Variants in HYDIN observed in about 807,000 individuals in gnomAD.
The protein encoded by HYDIN is axonemal central pair apparatus protein HYDIN.
A neutral mutation model predicts 403.9 loss-of-function variants in HYDIN; 132 were observed. That is an observed-to-expected ratio of 0.33 (90% CI 0.28 to 0.38). The LOEUF (loss-of-function observed/expected upper bound fraction) is 0.38. Among genes scored for constraint, HYDIN ranks in the 10% least tolerant of loss-of-function variants. The pLI is 1.00. For missense variants in HYDIN, 2,827 were observed against 5,009.5 expected, an observed-to-expected ratio of 0.56 and a Z score of 13.15; for synonymous variants, 1,202 against 1,891.7, an observed-to-expected ratio of 0.64 and a Z score of 9.46.
intron 29 of HYDIN, among the ~76,000 whole-genome samples, chr16:70,980,323 T>A (rs1301159829): frequency 6.7e-6 from 1 of 149,928 alleles, no homozygotes; most frequent in Non-Finnish European, 1.5e-5. Flanking sequence ...GGTAACAAAG[T>A]AAGATCCTAT....
chr16:71,094,340 A>T (rs2083207150), intron 10 of HYDIN, among the ~76,000 whole-genome samples: 1 of 152,222 alleles, frequency 6.6e-6, no homozygotes, highest in South Asian at 2.1e-4. Context: ...ACACAGGTAG[A>T]CTAACAACAG....
In HYDIN at chr16:70,924,879, T is replaced by G. The variant is rs571976552; in HGVS notation, c.7159-3662A>C. ...TGGGCCTAACATCTAGGTGATGGGATGATCTGTGCAGCAAACCATGGCGGC... is the reference window on the plus strand; with the variant it reads ...TGGGCCTAACATCTAGGTGATGGGAGGATCTGTGCAGCAAACCATGGCGGC... On this transcript the variant is annotated intron_variant, in intron 45 of 85. Transcript: ENST00000393567. Among the ~76,000 whole-genome samples, 92 of 124,746 alleles carry G rather than the reference T, an allele frequency of 7.4e-4. 1 individual carries two copies. Among genetic ancestry groups the G allele is most frequent in the African/African-American group, 2.8e-3 (91 of 32,410 alleles). 81.8% of individuals were successfully genotyped at this position (124,746 alleles called of 152,430 possible). A position where few individuals can be genotyped will look rare whatever the true frequency, so the allele number is the denominator to read the frequency against.
intron 21 of HYDIN, 59 bp from the exon 22 acceptor site, chr16:71,020,376 G>C: frequency 1.3e-6 from 2 of 1,563,624 alleles, no homozygotes; most frequent in Non-Finnish European, 1.7e-6. Context: ...TAAGCTTTTA[G>C]CAACAAGTCT....
intron 2 of HYDIN, 128 bp from the exon 3 acceptor site, chr16:71,185,118 C>T (rs3785346): frequency 0.34 from 159,012 of 471,164 alleles, 28,837 homozygotes; most frequent in East Asian, 0.54. Context: ...CCACTAAGTT[C>T]CCTTATAAAA....
chr16:71,059,236 A>C (rs866041543), intron 18 of HYDIN, among the ~76,000 whole-genome samples: 121 of 152,190 alleles, frequency 8.0e-4, no homozygotes, highest in African/African-American at 2.0e-3. Context: ...CATGTGCAGA[A>C]TGGTATTTTC....
At chr16:70,872,897 TATCATCTACCTACCCACTCACCC>T (rs2040226627) in intron 64 of HYDIN, among the ~76,000 whole-genome samples, 1 of 145,548 alleles carries the variant, frequency 6.9e-6, no homozygotes, top group Non-Finnish European at 1.5e-5. Context: ...TTAATTCATC[TATCATCTACCTACCCACTCACCC>T]ATCATCCACC....
Position 70,863,191 on chromosome 16 carries a change from C to G in HYDIN, c.11472-9G>C, listed in dbSNP as rs372749452. ...AATTAATCACATCGAACCTGCAAAT[C>G]GATCAGGGAGCAGATTTGAGAAATG... is the stretch of plus-strand genomic sequence containing the variant. On this transcript the variant is annotated splice_polypyrimidine_tract_variant and intron_variant, in intron 67 of 85. Transcript: ENST00000393567. The G allele has an allele frequency of 3.7e-6, 6 of 1,611,416 alleles. No homozygotes were observed. Among genetic ancestry groups the G allele is most frequent in the African/African-American group, 1.3e-5 (1 of 74,846 alleles).
intron 58 of HYDIN, among the ~76,000 whole-genome samples, chr16:70,888,512 T>C (rs1264006357): frequency 2.0e-5 from 3 of 151,914 alleles, no homozygotes; most frequent in Non-Finnish European, 4.4e-5. Flanking sequence ...CTGGTGGGGA[T>C]TGGTGAGTGC....
intron 66 of HYDIN, 35 bp downstream of exon 66, chr16:70,868,535 G>A (rs757312840): frequency 8.8e-6 from 14 of 1,588,996 alleles, no homozygotes; most frequent in Non-Finnish European, 1.2e-5. Flanking sequence ...AAGCATGGAG[G>A]CCTGGTCAGA....
At chr16:71,221,750 T>A (rs1445938473) in intron 1 of HYDIN, among the ~76,000 whole-genome samples, 1 of 152,208 alleles carries the variant, frequency 6.6e-6, no homozygotes, top group East Asian at 1.9e-4. Context: ...AGCATATACT[T>A]TAAGACATTA....
At chr16:71,061,898 G>GTC (rs1313279261) in intron 17 of HYDIN, among the ~76,000 whole-genome samples, 2 of 148,222 alleles carry the variant, frequency 1.3e-5, no homozygotes, top group African/African-American at 2.5e-5. Context: ...GTGTGTGTCA[G>GTC]AGAGAGAGAG....
chr16:70,913,044 A>G (rs572996810), intron 47 of HYDIN, among the ~76,000 whole-genome samples: 1 of 151,650 alleles, frequency 6.6e-6, no homozygotes, highest in African/African-American at 2.4e-5. Flanking sequence ...AATCTTGCTA[A>G]TGGTCTATCA....
intron 84 of HYDIN, among the ~76,000 whole-genome samples, chr16:70,810,791 C>T (rs2035444850): frequency 6.6e-6 from 1 of 152,072 alleles, no homozygotes; most frequent in South Asian, 2.1e-4. Context: ...GATCGTGTCA[C>T]TCTAGTCCAC....
At chr16:71,116,714 T>C (rs1306771747) in intron 9 of HYDIN, among the ~76,000 whole-genome samples, 1 of 152,102 alleles carries the variant, frequency 6.6e-6, no homozygotes, top group Non-Finnish European at 1.5e-5. Flanking sequence ...CAAGAAAGCA[T>C]TCTTTCACCA....
In HYDIN at chr16:70,952,409, C is replaced by CCT; in HGVS notation, c.6531+10_6531+11dup. ...GATCCCAGCCCTTCTGCGGTAGAGCCCTGATTTGTACCTGTGGTGTTTCAG... is the reference window on the plus strand; with the variant it reads ...GATCCCAGCCCTTCTGCGGTAGAGCCCTCTGATTTGTACCTGTGGTGTTTCAG... On this transcript the variant is annotated intron_variant, in intron 41 of 85. Coordinates refer to ENST00000393567, the MANE Select transcript of HYDIN (RefSeq NM_001270974.2). The CCT allele has an allele frequency of 1.2e-6, 1 of 859,198 alleles. No homozygotes were observed. Among genetic ancestry groups the CCT allele is most frequent in the Non-Finnish European group, 1.7e-6 (1 of 575,950 alleles). 53.2% of individuals were successfully genotyped at this position (859,198 alleles called of 1,614,324 possible). A position where few individuals can be genotyped will look rare whatever the true frequency, so the allele number is the denominator to read the frequency against.
intron 18 of HYDIN, among the ~76,000 whole-genome samples, chr16:71,041,308 G>A (rs1290385024): frequency 6.7e-6 from 1 of 149,626 alleles, no homozygotes; most frequent in Admixed American, 6.7e-5. Context: ...CAAGTTCTCT[G>A]GGACAGAATT....
At position 71,186,839 on chromosome 16, in the gene HYDIN, A is replaced by G. The variant is rs2087176887; in HGVS notation, c.57T>C (p.Asn19=). ...SMGAVQMGLV[N]MFKGFQSKVL... is the part of the protein sequence containing the mutation. ...CCTTGCTTTGAAATCCTTTGAACAT[A>G]TTGACCAATCCCATCTGAACAGCCC... Residue 19 remains asparagine, a synonymous_variant, in exon 2 of 86, where the codon AAT becomes AAC. Coordinates refer to ENST00000393567, the MANE Select transcript of HYDIN (RefSeq NM_001270974.2). 6.2e-7 allele frequency: 1 copy of G among 1,613,298 alleles called. No homozygotes were observed. The highest frequency in any genetic ancestry group is 1.7e-5 in the Admixed American group (1 of 59,974).
At chr16:70,932,008 T>G (rs1351872487) in intron 45 of HYDIN, among the ~76,000 whole-genome samples, 1 of 9,000 alleles carries the variant, frequency 1.1e-4, no homozygotes, top group Non-Finnish European at 3.3e-4. Context: ...GAGACTTGTA[T>G]CAAAAAAAAA....
intron 28 of HYDIN, among the ~76,000 whole-genome samples, chr16:70,981,815 A>G (rs2079052940): frequency 6.6e-6 from 1 of 152,106 alleles, no homozygotes; most frequent in Non-Finnish European, 1.5e-5. Context: ...TAAGGAGAAA[A>G]GTCACTAAAA....
Sources: gnomAD v4.1 joint callset for allele counts (sites outside exome capture counted in the v4.1 genomes callset) on GRCh38, gnomAD v4.1.1 for gene constraint, MANE v1.5 for transcripts, NCBI Gene and HGNC (gene_info 2026-07-23, HGNC 2026-07-21) for gene names.